LRBA: variants seen among roughly 807,000 people sequenced by gnomAD.
The protein encoded by LRBA is LPS responsive beige-like anchor protein, also known as lipopolysaccharide-responsive and beige-like anchor protein.
In LRBA, 176 loss-of-function variants were observed where a neutral mutation model predicts 330.0. The observed-to-expected ratio is 0.53, with a 90% confidence interval of 0.47 to 0.60. The LOEUF (loss-of-function observed/expected upper bound fraction) is 0.60. Among genes scored for constraint, LRBA ranks in the 20% least tolerant of loss-of-function variants. LRBA has a pLI of 0.00. For missense variants in LRBA, 3,259 were observed against 3,444.8 expected (o/e 0.95, Z 1.35); for synonymous variants, 1,230 against 1,193.0 (o/e 1.03, Z -0.64).
At chr4:150,625,687 T>TCATA (rs1776777093) in intron 37 of LRBA, among the ~76,000 whole-genome samples, 1 of 144,936 alleles carries the variant, frequency 6.9e-6, no homozygotes, top group Non-Finnish European at 1.5e-5. Context: ...GGTACCGAGA[T>TCATA]TATATATATA....
At chr4:150,501,140 C>T (rs1760203060) in intron 40 of LRBA, among the ~76,000 whole-genome samples, 2 of 152,142 alleles carry the variant, frequency 1.3e-5, no homozygotes, top group Admixed American at 6.5e-5. Flanking sequence ...TGGGGTTAAC[C>T]TCATTTCATT....
At chr4:150,445,190 T>G (rs1018862988) in intron 44 of LRBA, among the ~76,000 whole-genome samples, 2 of 151,948 alleles carry the variant, frequency 1.3e-5, no homozygotes, top group Non-Finnish European at 2.9e-5. Context: ...GATAGGTCAT[T>G]AGTGGCATAC....
chr4:150,938,086 A>G (rs1431234513), intron 2 of LRBA, among the ~76,000 whole-genome samples: 4 of 151,904 alleles, frequency 2.6e-5, no homozygotes. Flanking sequence ...TAAAAAAAAA[A>G]AAAAAAAGGA....
At chr4:150,808,206 G>T (rs1743085617) in intron 32 of LRBA, 114 bp downstream of exon 32, 3 of 695,008 alleles carry the variant, frequency 4.3e-6, no homozygotes, top group Admixed American at 2.6e-5. Flanking sequence ...TGTCATATAT[G>T]TTGAAAGAAA....
intron 46 of LRBA, among the ~76,000 whole-genome samples, chr4:150,432,661 G>C (rs545929324): frequency 7.9e-4 from 119 of 151,456 alleles, no homozygotes; most frequent in African/African-American, 2.5e-3. Flanking sequence ...TAGTCAGGAT[G>C]GTCTCGATCT....
chr4:150,986,703 C>G (rs1406219978), intron 2 of LRBA, among the ~76,000 whole-genome samples: 1 of 152,124 alleles, frequency 6.6e-6, no homozygotes, highest in East Asian at 1.9e-4. Flanking sequence ...AAACAGAGAT[C>G]TACTCATGTT....
chr4:150,437,365 A>G (rs1355170346), intron 44 of LRBA, among the ~76,000 whole-genome samples: 1 of 151,838 alleles, frequency 6.6e-6, no homozygotes, highest in Non-Finnish European at 1.5e-5. Context: ...TTAAGAAACT[A>G]GAAATTTCTA....
At chr4:150,699,226 G>A (rs1292560909) in intron 36 of LRBA, among the ~76,000 whole-genome samples, 1 of 152,136 alleles carries the variant, frequency 6.6e-6, no homozygotes, top group Non-Finnish European at 1.5e-5. Flanking sequence ...GGCAAAGGGA[G>A]ACGACCTGGG....
chr4:150,493,904 C>A (rs1441167553), intron 40 of LRBA, among the ~76,000 whole-genome samples: 1 of 152,070 alleles, frequency 6.6e-6, no homozygotes, highest in Non-Finnish European at 1.5e-5. Flanking sequence ...GGCAACATAG[C>A]AAGACCTCAT....
At chr4:150,326,619 TG>T (rs1391832040) in intron 48 of LRBA, among the ~76,000 whole-genome samples, 6 of 152,322 alleles carry the variant, frequency 3.9e-5, no homozygotes, top group African/African-American at 1.4e-4. Flanking sequence ...CATGGGAAAC[TG>T]CTAAATGCCA....
rs192678794 is a variant in LRBA, at chr4:150,644,481, C to T, written c.5921+39070G>A. Among the ~76,000 whole-genome samples the T allele has an allele frequency of 5.2e-3, 792 of 151,854 alleles. 2 individuals are homozygous for T. The highest frequency in any genetic ancestry group is 8.1e-3 in the Non-Finnish European group (551 of 67,788). ...CATTTGACAGCCAAAGAACTGTATC[C>T]AGAGAAAACAAAATTGTTTAAGAAT... On this transcript the variant is annotated intron_variant, in intron 37 of 56. Coordinates refer to ENST00000651943, the MANE Select transcript of LRBA (RefSeq NM_001364905.1).
rs1003079581 is a variant in LRBA, at chr4:150,958,324, C to G, written c.217-29259G>C. ...CATCAAGGCTTAGGGCTTTCACCCT[C>G]TGAAGCAATGGTGTGAGCTGTATAT... On this transcript the variant is annotated intron_variant, in intron 2 of 56. Transcript: ENST00000651943. Among the ~76,000 whole-genome samples the G allele has an allele frequency of 6.0e-5, 9 of 149,268 alleles. 1 individual carries two copies. Among genetic ancestry groups the G allele is most frequent in the Non-Finnish European group, 1.0e-4 (7 of 68,028 alleles).
intron 37 of LRBA, among the ~76,000 whole-genome samples, chr4:150,654,331 T>C (rs1350705005): frequency 2.0e-5 from 3 of 151,992 alleles, no homozygotes; most frequent in Admixed American, 2.0e-4. Context: ...GGATTACAAG[T>C]GCCTGCCACC....
In LRBA at chr4:150,601,289, AGCT is replaced by A. The variant is rs576043533; in HGVS notation, c.5922-2161_5922-2159del. Reference sequence around the variant, plus strand: ...ACAATTAAAATTATAAGAGATGTTAAGCTGCTATGATAAAATTATGACTAAATT... The same window carrying A: ...ACAATTAAAATTATAAGAGATGTTAAGCTATGATAAAATTATGACTAAATT... On this transcript the variant is annotated intron_variant, in intron 37 of 56. Transcript: ENST00000651943. Among the ~76,000 whole-genome samples, 193 of 152,322 alleles carry A rather than the reference AGCT, an allele frequency of 1.3e-3. 1 individual carries two copies. The highest frequency in any genetic ancestry group is 4.4e-3 in the African/African-American group (183 of 41,578).
intron 22 of LRBA, among the ~76,000 whole-genome samples, chr4:150,855,347 C>A (rs1383542629): frequency 6.6e-6 from 1 of 152,144 alleles, no homozygotes; most frequent in African/African-American, 2.4e-5. Flanking sequence ...TTATCATTGT[C>A]AAAAGAAAGC....
chr4:150,672,327 A>G (rs1782135603), intron 37 of LRBA, among the ~76,000 whole-genome samples: 1 of 151,962 alleles, frequency 6.6e-6, no homozygotes, highest in African/African-American at 2.4e-5. Context: ...GAAGATGCCC[A>G]TATGTAATAA....
chr4:150,966,332 G>A (rs1287797302), intron 2 of LRBA, among the ~76,000 whole-genome samples: 2 of 151,120 alleles, frequency 1.3e-5, no homozygotes, highest in African/African-American at 2.4e-5. Context: ...TTTTGAGACG[G>A]AGTCTCGTTC....
Position 150,849,568 on chromosome 4 carries a change from T to C in LRBA, c.4012A>G (p.Thr1338Ala), listed in dbSNP as rs1453249619. 1.9e-6 allele frequency: 3 copies of C among 1,610,940 alleles called. No individual in the cohort carries two copies. Among genetic ancestry groups the C allele is most frequent in the East Asian group, 2.2e-5 (1 of 44,812 alleles). ...TDIQMWRSHS[T>A]KTVMDFVNSS... ...TTCACGAAGTCCATAACTGTCTTTG[T>C]TGAATGGCTGTCCAAAGATAAATGA... is the stretch of plus-strand genomic sequence containing the variant. Residue 1338 changes from threonine to alanine, a missense_variant, in exon 25 of 57, where the codon ACA becomes GCA. Coordinates refer to ENST00000651943, the MANE Select transcript of LRBA (RefSeq NM_001364905.1).
chr4:150,824,006 G>C (rs1176634482), intron 30 of LRBA, among the ~76,000 whole-genome samples: 1 of 152,110 alleles, frequency 6.6e-6, no homozygotes, highest in Admixed American at 6.6e-5. Flanking sequence ...CACTGAATCT[G>C]TAGATTGCTT....
Sources: gnomAD v4.1 joint callset for allele counts (sites outside exome capture counted in the v4.1 genomes callset) on GRCh38, gnomAD v4.1.1 for gene constraint, MANE v1.5 for transcripts, NCBI Gene and HGNC (gene_info 2026-07-23, HGNC 2026-07-21) for gene names.